The following GLMN variants were observed in gnomAD, a reference collection of about 807,000 sequenced individuals.
GLMN encodes the protein glomulin, FKBP associated protein.
In GLMN, 75 loss-of-function variants were observed where a neutral mutation model predicts 87.8. The ratio of observed to expected loss-of-function variants is 0.85; its 90% confidence interval spans 0.71 to 1.04. GLMN has a LOEUF of 1.04. Among genes scored for constraint, GLMN ranks in the 50% least tolerant of loss-of-function variants. The probability of loss-of-function intolerance (pLI) is 0.00; values close to 1 mark genes in which losing one functional copy is unlikely to be tolerated. For synonymous variants in GLMN, 206 were observed against 221.6 expected, an observed-to-expected ratio of 0.93 and a Z score of 0.63; for missense variants, 588 against 658.8, an observed-to-expected ratio of 0.89 and a Z score of 1.18.
At chr1:92,291,976 C>A (rs994069152) in intron 3 of GLMN, among the ~76,000 whole-genome samples, 1 of 152,122 alleles carries the variant, frequency 6.6e-6, no homozygotes, top group Non-Finnish European at 1.5e-5. Flanking sequence ...AGGGATACAA[C>A]TTCATTAATT....
the GLMN span, among the ~76,000 whole-genome samples, chr1:92,338,131 C>T: frequency 1.3e-5 from 2 of 151,940 alleles, no homozygotes; most frequent in African/African-American, 2.4e-5. Context: ...ATAAAACAAG[C>T]ACATAAAGAC....
chr1:92,351,278 G>T, the GLMN span, among the ~76,000 whole-genome samples: 1 of 126,022 alleles, frequency 7.9e-6, no homozygotes. Flanking sequence ...CTGCACTCCA[G>T]CCTGGTGACC....
chr1:92,283,044 A>G (rs1447780143), intron 7 of GLMN, among the ~76,000 whole-genome samples: 1 of 152,198 alleles, frequency 6.6e-6, no homozygotes, highest in Non-Finnish European at 1.5e-5. Context: ...ATTCTACCAG[A>G]GGTACAAAGA....
the GLMN span, among the ~76,000 whole-genome samples, chr1:92,330,861 C>T: frequency 1.3e-5 from 2 of 152,154 alleles, no homozygotes; most frequent in African/African-American, 4.8e-5. Context: ...GAACCAGCAG[C>T]GTCAACATCA....
At chr1:92,311,235 G>A in the GLMN span, among the ~76,000 whole-genome samples, 1 of 152,148 alleles carries the variant, frequency 6.6e-6, no homozygotes, top group South Asian at 2.1e-4. Flanking sequence ...TTTGTAAAAG[G>A]AAAAAGTTGC....
At chr1:92,340,729 T>C in the GLMN span, among the ~76,000 whole-genome samples, 2 of 152,200 alleles carry the variant, frequency 1.3e-5, no homozygotes, top group Admixed American at 6.5e-5. Flanking sequence ...TTTTCGGCTC[T>C]ATGAGAATTT....
intron 7 of GLMN, among the ~76,000 whole-genome samples, chr1:92,280,560 T>G (rs139221452): frequency 2.0e-5 from 3 of 152,300 alleles, no homozygotes; most frequent in African/African-American, 7.2e-5. Context: ...GCCTCTGCTC[T>G]TTCAAAGGAT....
At chr1:92,296,744 G>A (rs1650109707) in intron 3 of GLMN, among the ~76,000 whole-genome samples, 1 of 152,200 alleles carries the variant, frequency 6.6e-6, no homozygotes. Context: ...TGTGGAGGAT[G>A]ATTTCTCAAA....
At chr1:92,280,537 CA>C (rs1022895844) in intron 7 of GLMN, among the ~76,000 whole-genome samples, 2 of 152,012 alleles carry the variant, frequency 1.3e-5, no homozygotes, top group Non-Finnish European at 2.9e-5. Context: ...CTGAAAATTC[CA>C]AAAAACAGAG....
At chr1:92,354,135 T>C in the GLMN span, among the ~76,000 whole-genome samples, 2 of 152,140 alleles carry the variant, frequency 1.3e-5, no homozygotes, top group Admixed American at 1.3e-4. Context: ...AATCACAGCC[T>C]TGATTTTAGG....
the GLMN span, among the ~76,000 whole-genome samples, chr1:92,330,566 G>T: frequency 1.4e-5 from 2 of 146,488 alleles, no homozygotes; most frequent in Admixed American, 1.4e-4. Flanking sequence ...TCCTGCCTCA[G>T]CCTCCCAAGT....
chr1:92,301,969 A>AT (rs1650886760), upstream of GLMN, among the ~76,000 whole-genome samples: 1 of 152,222 alleles, frequency 6.6e-6, no homozygotes, highest in Non-Finnish European at 1.5e-5. Flanking sequence ...CCACAAATAT[A>AT]TACAATTATT....
the GLMN span, among the ~76,000 whole-genome samples, chr1:92,353,768 T>G: frequency 6.6e-6 from 1 of 152,206 alleles, no homozygotes; most frequent in Non-Finnish European, 1.5e-5. Context: ...GTTCCCATAC[T>G]TATTGCTGAG....
At chr1:92,269,924 T>C (rs1656062559) in intron 8 of GLMN, 148 bp from the exon 9 acceptor site, 1 of 632,136 alleles carries the variant, frequency 1.6e-6, no homozygotes, top group South Asian at 1.8e-5. Flanking sequence ...TGACCTTATT[T>C]GGAGATAGGG....
chr1:92,312,514 A>G, the GLMN span, among the ~76,000 whole-genome samples: 3 of 152,208 alleles, frequency 2.0e-5, no homozygotes, highest in Non-Finnish European at 4.4e-5. Flanking sequence ...TACCATTTCA[A>G]CGATGTTGAC....
chr1:92,304,352 G>A, the GLMN span: 7 of 1,480,464 alleles, frequency 4.7e-6, no homozygotes, highest in African/African-American at 9.9e-5. Flanking sequence ...AAAGAAAGGT[G>A]AGTTTAAAGG....
At chr1:92,329,079 T>C in the GLMN span, among the ~76,000 whole-genome samples, 1 of 152,128 alleles carries the variant, frequency 6.6e-6, no homozygotes, top group East Asian at 1.9e-4. Flanking sequence ...CTTAATTGTA[T>C]TTTTTTTAAG....
Position 92,289,094 on chromosome 1 carries a change from C to A in GLMN, c.452G>T (p.Trp151Leu). 1 of 1,611,774 alleles carries A rather than the reference C, an allele frequency of 6.2e-7. No homozygotes were observed. The highest frequency in any genetic ancestry group is 8.5e-7 in the Non-Finnish European group (1 of 1,178,006). The change falls in exon 6 of 19, where the codon TGG (tryptophan) becomes TTG (leucine). Residue 151 changes from tryptophan (W) to leucine (L), a missense_variant. Coordinates refer to ENST00000370360, the MANE Select transcript of GLMN (RefSeq NM_053274.3). ...AACAGGAAGAAGAGATAGCTGATTC[C>A]AAAGGGTAGACAATGCTAATCCAAT... ...YSIGLALSTL[W>L]NQLSLLPVPY...
At chr1:92,350,819 C>T in the GLMN span, among the ~76,000 whole-genome samples, 2 of 152,054 alleles carry the variant, frequency 1.3e-5, no homozygotes, top group African/African-American at 4.8e-5. Context: ...ATAGTTCCAG[C>T]TACTCTGGAG....
Sources: gnomAD v4.1 joint callset for allele counts (sites outside exome capture counted in the v4.1 genomes callset) on GRCh38, gnomAD v4.1.1 for gene constraint, MANE v1.5 for transcripts, NCBI Gene and HGNC (gene_info 2026-07-23, HGNC 2026-07-21) for gene names.